KIF15: variants seen among roughly 807,000 people sequenced by gnomAD.
KIF15 encodes kinesin-like protein KIF15.
A neutral mutation model predicts 190.6 loss-of-function variants in KIF15; 140 were observed. That is an observed-to-expected ratio of 0.73 (90% CI 0.64 to 0.84). The LOEUF (loss-of-function observed/expected upper bound fraction) is 0.84, where lower values mean the gene tolerates loss of function less well. Among genes scored for constraint, KIF15 ranks in the 40% least tolerant of loss-of-function variants. The pLI is 0.00. For synonymous variants in KIF15, 528 were observed against 551.3 expected (o/e 0.96, Z 0.59); for missense variants, 1,372 against 1,584.4 (o/e 0.87, Z 2.28).
intron 6 of KIF15, chr3:44,865,053 A>T (rs200008035): frequency 1.9e-6 from 3 of 1,614,098 alleles, no homozygotes; most frequent in South Asian, 2.2e-5. Context: ...TTCCTGGGCT[A>T]TGTGCTGTAT....
chr3:44,814,665 G>A (rs1420322400), intron 19 of KIF15, among the ~76,000 whole-genome samples: 1 of 152,132 alleles, frequency 6.6e-6, no homozygotes, highest in Non-Finnish European at 1.5e-5. Context: ...AAAGTCAAGT[G>A]ACCTGTAAGT....
chr3:44,813,608 T>TG (rs1707895215), intron 19 of KIF15, among the ~76,000 whole-genome samples: 1 of 148,670 alleles, frequency 6.7e-6, no homozygotes, highest in African/African-American at 2.5e-5. Context: ...TTTGGTCATT[T>TG]TTTTTTTGTT....
chr3:44,830,429 G>A (rs1698010412), intron 25 of KIF15, among the ~76,000 whole-genome samples: 2 of 152,160 alleles, frequency 1.3e-5, no homozygotes, highest in South Asian at 4.1e-4. Context: ...TAGTGGCTTT[G>A]AGGAAAAAGT....
Position 44,780,791 on chromosome 3 carries a change from T to A in KIF15, c.324-94T>A. On this transcript the variant is annotated intron_variant, in intron 4 of 34. Coordinates refer to ENST00000326047, the MANE Select transcript of KIF15 (RefSeq NM_020242.3). ...AAAAATAGAAAGAAAATAAGCTAACTTTTTGTGGAGAAAACTTATACACTA... is the reference window on the plus strand; with the variant it reads ...AAAAATAGAAAGAAAATAAGCTAACATTTTGTGGAGAAAACTTATACACTA... 3 of 780,520 alleles carry A rather than the reference T, an allele frequency of 3.8e-6. No homozygotes were observed. In the South Asian group the frequency reaches 6.0e-5, roughly 16 times the overall value. 48.3% of individuals were successfully genotyped at this position (780,520 alleles called of 1,614,324 possible).
intron 20 of KIF15, among the ~76,000 whole-genome samples, chr3:44,821,350 G>A (rs1055117075): frequency 2.0e-5 from 3 of 150,860 alleles, no homozygotes; most frequent in Non-Finnish European, 3.0e-5. Context: ...GGGCGGTGAC[G>A]CTCCTCACTT....
intron 20 of KIF15, among the ~76,000 whole-genome samples, chr3:44,823,820 A>G (rs1266509334): frequency 6.6e-6 from 1 of 152,192 alleles, no homozygotes; most frequent in African/African-American, 2.4e-5. Flanking sequence ...CCACCGAGCT[A>G]GGTGCGGGAT....
At chr3:44,765,174 G>C (rs911979403) in intron 1 of KIF15, among the ~76,000 whole-genome samples, 13 of 152,144 alleles carry the variant, frequency 8.5e-5, no homozygotes, top group Admixed American at 2.0e-4. Flanking sequence ...CTCGCTATTT[G>C]CTTATTAACT....
In KIF15 at chr3:44,775,285, C is replaced by T. The variant is rs779615762; in HGVS notation, c.94C>T (p.Arg32Ter). Residue 32 changes from arginine to a stop codon, truncating the protein, a stop_gained, in exon 3 of 35, where the codon CGA becomes TGA. Transcript: ENST00000326047. LOFTEE classifies it high-confidence loss of function. The part of the protein sequence containing the change: ...NEGDAIKVFV[R>*]IRPPAERSGS... ...AGGTGATGCCATCAAAGTTTTTGTGCGAATTCGTCCTCCTGCAGAAAGATC... is the reference window on the plus strand; with the variant it reads ...AGGTGATGCCATCAAAGTTTTTGTGTGAATTCGTCCTCCTGCAGAAAGATC... 8.2e-5 allele frequency: 133 copies of T among 1,613,098 alleles called. No homozygotes were observed. Among genetic ancestry groups the T allele is most frequent in the Non-Finnish European group, 1.1e-4 (129 of 1,179,662 alleles).
At chr3:44,763,163 G>A (rs1705221130) in intron 1 of KIF15, among the ~76,000 whole-genome samples, 1 of 152,198 alleles carries the variant, frequency 6.6e-6, no homozygotes, top group Non-Finnish European at 1.5e-5. Flanking sequence ...CAAAATTGAG[G>A]TTGATGACTT....
At chr3:44,774,480 G>T in intron 2 of KIF15, 43 bp downstream of exon 2, 1 of 1,509,780 alleles carries the variant, frequency 6.6e-7, no homozygotes, top group East Asian at 2.3e-5. Flanking sequence ...AAGGACTAGG[G>T]ATGGAATATT....
intron 10 of KIF15, among the ~76,000 whole-genome samples, chr3:44,799,519 C>G (rs1205943794): frequency 6.6e-6 from 1 of 151,282 alleles, no homozygotes. Flanking sequence ...ACCCTTTAGG[C>G]TTTGTGGACC....
rs774617170 is a variant in KIF15 at position 44,801,893 on chromosome 3, A to G, written c.1428A>G (p.Glu476=). The G allele has an allele frequency of 2.4e-5, 38 of 1,613,466 alleles. No individual in the cohort carries two copies. The African/African-American group carries it at 4.7e-4, about 20-fold the overall frequency. The change falls in exon 13 of 35, where the codon GAA becomes GAG. Residue 476 remains glutamate, a synonymous_variant. Transcript: ENST00000326047. ...TACGCTTGGAAAAGCTCCACAAGGA[A>G]TCCCGGGGAGGTTTTCTGCCTGAGG... The part of the protein sequence containing the change: ...QIIRLEKLHK[E]SRGGFLPEEQ...
At chr3:44,843,286 G>A (rs778134833) in intron 30 of KIF15, 52 bp downstream of exon 30, 4 of 1,213,906 alleles carry the variant, frequency 3.3e-6, no homozygotes, top group Admixed American at 3.9e-5. Flanking sequence ...CTGCCTGTGT[G>A]GAGTTAAATG....
chr3:44,841,843 AG>A (rs750018879), intron 29 of KIF15, among the ~76,000 whole-genome samples: 20 of 152,216 alleles, frequency 1.3e-4, no homozygotes, highest in Admixed American at 3.3e-4. Context: ...GGAGGCTTCC[AG>A]GGTAGCCCCT....
intron 6 of KIF15, among the ~76,000 whole-genome samples, chr3:44,859,972 A>G (rs1055279995): frequency 6.6e-6 from 1 of 152,190 alleles, no homozygotes; most frequent in Non-Finnish European, 1.5e-5. Flanking sequence ...CACTTCAGCC[A>G]TCATCACCAG....
chr3:44,789,643 TA>T (rs1284758018), intron 7 of KIF15, among the ~76,000 whole-genome samples: 193 of 872 alleles, frequency 0.22, 3 homozygotes, highest in Non-Finnish European at 0.25. Flanking sequence ...TGTCTAATTT[TA>T]TATATATATA....
chr3:44,818,716 T>G (rs1266894087), intron 20 of KIF15, among the ~76,000 whole-genome samples: 2 of 152,234 alleles, frequency 1.3e-5, no homozygotes, highest in African/African-American at 4.8e-5. Context: ...TTTTTTGTTG[T>G]GTCTCTGCCA....
At chr3:44,769,040 G>C (rs1423354017) in intron 1 of KIF15, among the ~76,000 whole-genome samples, 1 of 152,176 alleles carries the variant, frequency 6.6e-6, no homozygotes, top group Non-Finnish European at 1.5e-5. Context: ...TTGCTGGCTT[G>C]TCAGTCTTCG....
intron 1 of KIF15, among the ~76,000 whole-genome samples, chr3:44,762,729 T>G (rs1175628025): frequency 6.6e-6 from 1 of 152,188 alleles, no homozygotes; most frequent in Non-Finnish European, 1.5e-5. Context: ...ATTGTAGTCG[T>G]TTTTGATGGG....
Sources: allele counts gnomAD v4.1 joint callset (sites outside exome capture counted in the v4.1 genomes callset), GRCh38; gene constraint gnomAD v4.1.1; transcripts MANE v1.5; gene names NCBI Gene and HGNC (gene_info 2026-07-23, HGNC 2026-07-21).